The following GALNT13 variants were observed in gnomAD, a reference collection of about 807,000 sequenced individuals.
The protein encoded by GALNT13 is UDP-GalNAc:polypeptide N-acetylgalactosaminyltransferase 13.
In GALNT13, 28 loss-of-function variants were observed where a neutral mutation model predicts 64.2. The observed-to-expected ratio is 0.44, with a 90% CI of 0.32 to 0.60. The LOEUF is 0.60. Ranked by LOEUF, GALNT13 falls within the 20% of genes least tolerant of loss-of-function variation. The pLI is 0.05. For missense variants in GALNT13, 577 were observed against 669.8 expected (o/e 0.86, Z 1.53); for synonymous variants, 214 against 224.6 (o/e 0.95, Z 0.42).
chr2:153,588,252 A>T, the GALNT13 span, among the ~76,000 whole-genome samples: 1 of 152,146 alleles, frequency 6.6e-6, no homozygotes, highest in African/African-American at 2.4e-5. Context: ...CCTTCTTTTC[A>T]CAGCTCCACT....
intron 3 of GALNT13, among the ~76,000 whole-genome samples, chr2:154,107,904 C>T (rs1459312688): frequency 2.0e-5 from 3 of 152,070 alleles, no homozygotes; most frequent in African/African-American, 7.2e-5. Context: ...ATAATGTTCT[C>T]CAATTTCATG....
intron 3 of GALNT13, among the ~76,000 whole-genome samples, chr2:154,070,394 A>C (rs531216780): frequency 5.9e-5 from 9 of 152,316 alleles, no homozygotes; most frequent in Non-Finnish European, 1.3e-4. Flanking sequence ...AATACCATTC[A>C]AAATAGTTGA....
the GALNT13 span, among the ~76,000 whole-genome samples, chr2:153,254,472 G>A: frequency 2.7e-3 from 415 of 152,124 alleles, 1 homozygote; most frequent in Non-Finnish European, 5.1e-3. Flanking sequence ...ATTTCCTTCA[G>A]TTCTGCTCTG....
At position 154,305,098 on chromosome 2, in the gene GALNT13, A is replaced by G. The variant is rs896357218; in HGVS notation, c.1156+3509A>G. Among the ~76,000 whole-genome samples the G allele has an allele frequency of 2.6e-4, 40 of 152,370 alleles. No homozygotes were observed. In the Middle Eastern group the frequency reaches 0.017, roughly 65 times the overall value. ...AAGATTTCAGATCATCCAAAAACAG[A>G]TAAAACAGGTTGCATTCAGGAAGTC... On this transcript the variant is annotated intron_variant, in intron 9 of 12. Coordinates refer to ENST00000392825, the MANE Select transcript of GALNT13 (RefSeq NM_052917.4).
the GALNT13 span, among the ~76,000 whole-genome samples, chr2:153,555,184 G>A: frequency 6.8e-6 from 1 of 147,512 alleles, no homozygotes; most frequent in Non-Finnish European, 1.5e-5. Context: ...TGAAACAGAA[G>A]CTTTACTTTT....
At chr2:154,311,064 G>C (rs1356774941) in intron 9 of GALNT13, among the ~76,000 whole-genome samples, 3 of 150,696 alleles carry the variant, frequency 2.0e-5, no homozygotes, top group Non-Finnish European at 3.0e-5. Context: ...TTATATTTTG[G>C]TAGATATTGT....
chr2:154,319,917 A>G lies in GALNT13; in HGVS notation c.1156+18328A>G, dbSNP rs796355523. Among the ~76,000 whole-genome samples, 30 of 152,134 alleles carry G rather than the reference A, an allele frequency of 2.0e-4. 1 individual carries two copies. Among genetic ancestry groups the G allele is most frequent in the African/African-American group, 7.2e-4 (30 of 41,534 alleles). On this transcript the variant is annotated intron_variant, in intron 9 of 12. Coordinates refer to ENST00000392825, the MANE Select transcript of GALNT13 (RefSeq NM_052917.4). ...TTCATAAAAAATGTAATCTTATTTG[A>G]CTTCTTAGTTATAGCAGACATAAAA...
chr2:153,611,679 CTTTTTTTTTTTTTTTTT>C, the GALNT13 span, among the ~76,000 whole-genome samples: 1 of 104,398 alleles, frequency 9.6e-6, no homozygotes, highest in East Asian at 3.0e-4. Flanking sequence ...ACATTTTTAC[CTTTTTTTTTTTTTTTTT>C]TTTTTTTTTT....
chr2:154,206,911 T>C (rs940265766), intron 4 of GALNT13, among the ~76,000 whole-genome samples: 18 of 152,166 alleles, frequency 1.2e-4, no homozygotes, highest in African/African-American at 3.9e-4. Context: ...AGGATTTATT[T>C]ATCAAATTTG....
intron 2 of GALNT13, among the ~76,000 whole-genome samples, chr2:153,915,536 A>G (rs905369394): frequency 6.6e-6 from 1 of 152,134 alleles, no homozygotes; most frequent in Admixed American, 6.5e-5. Context: ...GAAATAGTTC[A>G]TATGTCCTGT....
intron 2 of GALNT13, among the ~76,000 whole-genome samples, chr2:153,939,950 A>G (rs1691218736): frequency 6.6e-6 from 1 of 152,142 alleles, no homozygotes; most frequent in South Asian, 2.1e-4. Context: ...TCAAATCATG[A>G]CAATGTAACT....
chr2:153,755,497 T>C, the GALNT13 span, among the ~76,000 whole-genome samples: 1 of 152,166 alleles, frequency 6.6e-6, no homozygotes. Context: ...TCTCTAATGA[T>C]TAGTGATGTT....
chr2:153,607,682 T>A, the GALNT13 span, among the ~76,000 whole-genome samples: 32 of 152,138 alleles, frequency 2.1e-4, no homozygotes, highest in Non-Finnish European at 4.0e-4. Context: ...AAATTGAATC[T>A]ATGTGTTTAC....
chr2:153,665,297 G>C, the GALNT13 span, among the ~76,000 whole-genome samples: 2 of 152,150 alleles, frequency 1.3e-5, no homozygotes, highest in African/African-American at 4.8e-5. Context: ...TAGAAATGAA[G>C]GTTTGGGTCA....
At chr2:153,396,201 CAT>C in the GALNT13 span, among the ~76,000 whole-genome samples, 18 of 152,012 alleles carry the variant, frequency 1.2e-4, no homozygotes, top group African/African-American at 3.1e-4. Flanking sequence ...CTTAATTACA[CAT>C]GTTTTGACTT....
At chr2:153,479,992 G>C in the GALNT13 span, among the ~76,000 whole-genome samples, 30 of 152,100 alleles carry the variant, frequency 2.0e-4, no homozygotes, top group East Asian at 5.0e-3. Flanking sequence ...AGTAACTTGA[G>C]CTTCCAATAG....
At chr2:154,149,238 A>G (rs537013974) in intron 4 of GALNT13, among the ~76,000 whole-genome samples, 2 of 152,298 alleles carry the variant, frequency 1.3e-5, no homozygotes, top group South Asian at 4.1e-4. Context: ...AGATAGTTGT[A>G]GATATGCGGC....
At position 153,908,648 on chromosome 2, in the gene GALNT13, A is replaced by G. The variant is rs116413676; in HGVS notation, c.-105+7641A>G. Reference sequence around the variant, plus strand: ...CCAAGCACACTCCCATTGAATAGGGAGTCCATTCCTCATTGCTTTCTTTTG... The same window carrying G: ...CCAAGCACACTCCCATTGAATAGGGGGTCCATTCCTCATTGCTTTCTTTTG... On this transcript the variant is annotated intron_variant, in intron 2 of 12. Coordinates refer to ENST00000392825, the MANE Select transcript of GALNT13 (RefSeq NM_052917.4). Among the ~76,000 whole-genome samples, 990 of 152,172 alleles carry G rather than the reference A, an allele frequency of 6.5e-3. 7 individuals are homozygous for G. The highest frequency in any genetic ancestry group is 0.022 in the African/African-American group (917 of 41,548).
At chr2:154,044,678 G>C (rs1471113517) in intron 3 of GALNT13, among the ~76,000 whole-genome samples, 1 of 152,130 alleles carries the variant, frequency 6.6e-6, no homozygotes, top group East Asian at 1.9e-4. Flanking sequence ...CAATTCAGTA[G>C]GATTTAATGA....
Sources: gnomAD v4.1 joint callset for allele counts (sites outside exome capture counted in the v4.1 genomes callset) on GRCh38, gnomAD v4.1.1 for gene constraint, MANE v1.5 for transcripts, NCBI Gene and HGNC (gene_info 2026-07-23, HGNC 2026-07-21) for gene names.